Variants in CNOT1 observed in about 807,000 individuals in gnomAD.
The protein encoded by CNOT1 is CCR4-NOT transcription complex subunit 1.
In CNOT1, 15 loss-of-function variants were observed where a neutral mutation model predicts 273.8. The observed-to-expected ratio is 0.05, with a 90% CI of 0.04 to 0.08. The LOEUF is 0.08. Among genes scored for constraint, CNOT1 ranks in the 10% least tolerant of loss-of-function variants. The pLI is 1.00. For synonymous variants in CNOT1, 1,022 were observed against 1,005.5 expected, an observed-to-expected ratio of 1.02 and a Z score of -0.31; for missense variants, 1,644 against 2,912.2, an observed-to-expected ratio of 0.56 and a Z score of 10.02.
At chr16:58,596,379 T>C (rs936075832) in intron 2 of CNOT1, among the ~76,000 whole-genome samples, 1 of 152,194 alleles carries the variant, frequency 6.6e-6, no homozygotes, top group Non-Finnish European at 1.5e-5. Flanking sequence ...TCATCTTCCT[T>C]ATCTTTCTCT....
At chr16:58,623,235 T>A (rs2043424658) in intron 1 of CNOT1, 1 of 152,200 alleles carries the variant, frequency 6.6e-6, no homozygotes, top group African/African-American at 2.4e-5. Flanking sequence ...CTTTTATATT[T>A]CAAATAATTA....
chr16:58,602,833 A>G (rs2042524192), intron 1 of CNOT1, among the ~76,000 whole-genome samples: 1 of 152,076 alleles, frequency 6.6e-6, no homozygotes, highest in South Asian at 2.1e-4. Context: ...AACCTCTCTC[A>G]TAGTGTCCAA....
intron 1 of CNOT1, among the ~76,000 whole-genome samples, chr16:58,612,556 T>G (rs898177566): frequency 1.3e-5 from 2 of 152,054 alleles, no homozygotes; most frequent in African/African-American, 4.8e-5. Context: ...CTGGTCAATA[T>G]GGCAAAACCC....
At chr16:58,591,338 CAA>C (rs1212451533) in intron 2 of CNOT1, among the ~76,000 whole-genome samples, 1 of 152,168 alleles carries the variant, frequency 6.6e-6, no homozygotes, top group Non-Finnish European at 1.5e-5. Context: ...CTAGGATCAG[CAA>C]AGATTTACTA....
chr16:58,581,554 G>C lies in CNOT1; in HGVS notation c.1045-39C>G, dbSNP rs554166931. The C allele has an allele frequency of 1.0e-5, 16 of 1,535,380 alleles. No individual in the cohort carries two copies. In the South Asian group the frequency reaches 2.1e-4, roughly 20 times the overall value. ...AAGCAGTTTAAAATGTAATGAATGTGTGTATATTTTGATACATTATCCAAA... is the reference window on the plus strand; with the variant it reads ...AAGCAGTTTAAAATGTAATGAATGTCTGTATATTTTGATACATTATCCAAA... On this transcript the variant is annotated intron_variant, in intron 10 of 48. Coordinates refer to ENST00000317147, the MANE Select transcript of CNOT1 (RefSeq NM_016284.5).
In CNOT1 at chr16:58,528,598, A is replaced by G; in HGVS notation, c.6330T>C (p.Leu2110=). The G allele has an allele frequency of 6.2e-7, 1 of 1,613,862 alleles. No homozygotes were observed. Among genetic ancestry groups the G allele is most frequent in the East Asian group, 2.2e-5 (1 of 44,864 alleles). ...CACAGAACCCATAATGGTAATCACA[A>G]AGGAACTCTGGGAAATCATGCAAAA... is the stretch of plus-strand genomic sequence containing the variant. ...LVLLHDFPEF[L]CDYHYGFCDV... Residue 2110 remains leucine, a synonymous_variant, in exon 44 of 49, where the codon CTT becomes CTC. Transcript: ENST00000317147.
In CNOT1 at chr16:58,542,584, G is replaced by C; in HGVS notation, c.4435-16C>G. The C allele has an allele frequency of 6.5e-7, 1 of 1,541,296 alleles. No individual in the cohort carries two copies. The highest frequency in any genetic ancestry group is 8.9e-7 in the Non-Finnish European group (1 of 1,129,342). On this transcript the variant is annotated splice_polypyrimidine_tract_variant and intron_variant, in intron 31 of 48. Coordinates refer to ENST00000317147, the MANE Select transcript of CNOT1 (RefSeq NM_016284.5). ...GGGAAGCAGTCTATTAATGGAGGTG[G>C]GTGGGGGGGTGGGGGGAATAGAAGG...
intron 16 of CNOT1, among the ~76,000 whole-genome samples, chr16:58,563,821 C>G (rs1401241023): frequency 1.3e-5 from 2 of 152,174 alleles, no homozygotes; most frequent in South Asian, 2.1e-4. Flanking sequence ...TTTTGCGATA[C>G]CTAACACAAT....
At chr16:58,593,846 T>C (rs1478276155) in intron 2 of CNOT1, among the ~76,000 whole-genome samples, 1 of 152,164 alleles carries the variant, frequency 6.6e-6, no homozygotes, top group Non-Finnish European at 1.5e-5. Context: ...ATACACAAAA[T>C]ATGAAATATC....
intron 22 of CNOT1, among the ~76,000 whole-genome samples, chr16:58,552,790 A>G (rs904916222): frequency 2.0e-5 from 3 of 152,306 alleles, no homozygotes; most frequent in Non-Finnish European, 4.4e-5. Flanking sequence ...CAATTAACCA[A>G]CTTTCCTGTT....
At chr16:58,533,781 C>T (rs2039848047) in intron 40 of CNOT1, among the ~76,000 whole-genome samples, 2 of 152,214 alleles carry the variant, frequency 1.3e-5, no homozygotes, top group South Asian at 4.1e-4. Context: ...GCCGAGATTG[C>T]ACCACTGCAC....
chr16:58,549,881 T>G lies in CNOT1; in HGVS notation c.3360A>C (p.Glu1120Asp). The change falls in exon 25 of 49, where the codon GAA (glutamate) becomes GAC (aspartate). Residue 1120 changes from glutamate to aspartate, a missense_variant. Around this residue, in one of 13 missense-constraint regions of CNOT1, gnomAD observed 124 missense variants for 289.3 expected, o/e 0.43. Coordinates refer to ENST00000317147, the MANE Select transcript of CNOT1 (RefSeq NM_016284.5). ...NMTQKVEELK[E>D]TVKEEFMPWV... ...AAGGCATAAATTCTTCTTTCACCGT[T>G]TCCTTTAGCTCTTCAACCTAGCCGG... is the stretch of plus-strand genomic sequence containing the variant. The G allele has an allele frequency of 6.2e-7, 1 of 1,613,988 alleles. No homozygotes were observed. Among genetic ancestry groups the G allele is most frequent in the Non-Finnish European group, 8.5e-7 (1 of 1,179,956 alleles).
intron 7 of CNOT1, 88 bp downstream of exon 7, chr16:58,586,435 GAGGGCAGGGAGGAGGGGAGGGT>G (rs1162791398): frequency 0.09 from 16,332 of 181,620 alleles, 8,093 homozygotes; most frequent in South Asian, 0.19. Flanking sequence ...GAGGGGAGGG[GAGGGCAGGGAGGAGGGGAGGGT>G]GAGGGGAGGG....
intron 30 of CNOT1, among the ~76,000 whole-genome samples, chr16:58,544,458 A>T (rs866134635): frequency 1.1e-4 from 16 of 152,214 alleles, no homozygotes; most frequent in African/African-American, 3.6e-4. Context: ...AAAAAAAAAA[A>T]AAATTAAACT....
intron 21 of CNOT1, 26 bp downstream of exon 21, chr16:58,555,225 C>A: frequency 6.2e-7 from 1 of 1,609,608 alleles, no homozygotes; most frequent in Non-Finnish European, 8.5e-7. Flanking sequence ...GGGAAGAGAT[C>A]CTTCACAGGA....
At chr16:58,567,896 G>A (rs1488293374) in intron 16 of CNOT1, among the ~76,000 whole-genome samples, 2 of 152,212 alleles carry the variant, frequency 1.3e-5, no homozygotes, top group Non-Finnish European at 2.9e-5. Context: ...TCTGTATAGG[G>A]AGTCTGTGTG....
intron 29 of CNOT1, among the ~76,000 whole-genome samples, chr16:58,545,732 T>C (rs948706183): frequency 6.6e-6 from 1 of 152,174 alleles, no homozygotes; most frequent in Non-Finnish European, 1.5e-5. Context: ...AGAAATCAAC[T>C]GAGCAGCCAT....
At chr16:58,584,006 A>G (rs1334608429) in intron 8 of CNOT1, among the ~76,000 whole-genome samples, 1 of 151,560 alleles carries the variant, frequency 6.6e-6, no homozygotes, top group Non-Finnish European at 1.5e-5. Context: ...ATCTCTACTA[A>G]AAATACAAAG....
chr16:58,520,280 C>T lies in CNOT1; in HGVS notation c.*678G>A, dbSNP rs2039323801. 1 of 152,122 alleles carries T rather than the reference C, an allele frequency of 6.6e-6. No homozygotes were observed. Among genetic ancestry groups the T allele is most frequent in the South Asian group, 2.1e-4 (1 of 4,828 alleles). 9.4% of individuals were successfully genotyped at this position (152,122 alleles called of 1,614,324 possible). On this transcript the variant is annotated 3_prime_UTR_variant, in exon 49 of 49. Coordinates refer to ENST00000317147, the MANE Select transcript of CNOT1 (RefSeq NM_016284.5). ...TGGGCTTTAGGCCTGGTCTGGTTTC[C>T]CTTTATATAAAGAGCTGACCCCCAT...
Sources: allele counts gnomAD v4.1 joint callset (sites outside exome capture counted in the v4.1 genomes callset), GRCh38; gene constraint gnomAD v4.1.1; regional missense constraint gnomAD v4.1.1; transcripts MANE v1.5; gene names NCBI Gene and HGNC (gene_info 2026-07-23, HGNC 2026-07-21).